The following SERPINA11 variants were observed in gnomAD, a reference collection of about 807,000 sequenced individuals.
The protein encoded by SERPINA11 is serpin A11.
Under a neutral mutation model 29.4 loss-of-function variants are expected in SERPINA11, and 28 were observed. The ratio of observed to expected loss-of-function variants is 0.95; its 90% CI spans 0.70 to 1.30. SERPINA11 has a LOEUF of 1.30. Ranked by LOEUF, SERPINA11 falls within the 50% of genes most tolerant of loss-of-function variation. The probability of loss-of-function intolerance (pLI) is 0.00; values close to 1 mark genes in which losing one functional copy is unlikely to be tolerated. For synonymous variants in SERPINA11, 253 were observed against 206.6 expected, an observed-to-expected ratio of 1.22 and a Z score of -1.92; for missense variants, 530 against 507.3, an observed-to-expected ratio of 1.04 and a Z score of -0.43.
rs374318750 is a variant in SERPINA11, at chr14:94,442,654, G to A, written c.1221C>T (p.Thr407=). The A allele has an allele frequency of 6.2e-7, 1 of 1,612,468 alleles. No individual in the cohort carries two copies. Among genetic ancestry groups the A allele is most frequent in the African/African-American group, 1.3e-5 (1 of 74,904 alleles). The change falls in exon 5 of 5, where the codon ACC becomes ACT. Residue 407 remains threonine, a synonymous_variant. Coordinates refer to ENST00000334708, the MANE Select transcript of SERPINA11 (RefSeq NM_001080451.2). ...CTTTTCCCAGGAAGAGTAAGCTCTGGGTGGTGACCTCCCAAAGGAGCAAGA... is the reference window on the plus strand; with the variant it reads ...CTTTTCCCAGGAAGAGTAAGCTCTGAGTGGTGACCTCCCAAAGGAGCAAGA... ...PFLLLLWEVT[T]QSLLFLGKVV... is the part of the protein sequence containing the mutation.
At position 94,446,311 on chromosome 14, in the gene SERPINA11, C is replaced by G; in HGVS notation, c.917+20G>C. The G allele has an allele frequency of 6.2e-7, 1 of 1,603,292 alleles. No individual in the cohort carries two copies. The highest frequency in any genetic ancestry group is 8.5e-7 in the Non-Finnish European group (1 of 1,175,622). ...GTTCTTGAGCAAGGTCAGCCAGCATCCTTCTGCTGTGACACTTACCTGGGC... is the reference window on the plus strand; with the variant it reads ...GTTCTTGAGCAAGGTCAGCCAGCATGCTTCTGCTGTGACACTTACCTGGGC... On this transcript the variant is annotated intron_variant, in intron 3 of 4. Transcript: ENST00000334708.
chr14:94,449,447 T>TTCTC (rs1414872678), intron 1 of SERPINA11, among the ~76,000 whole-genome samples: 1 of 112,224 alleles, frequency 8.9e-6, no homozygotes, highest in African/African-American at 5.0e-5. Context: ...CTTTCTTTCT[T>TTCTC]TCTTTCTTTC....
intron 1 of SERPINA11, among the ~76,000 whole-genome samples, chr14:94,451,407 T>G (rs1045326769): frequency 1.3e-5 from 2 of 152,254 alleles, no homozygotes; most frequent in Admixed American, 1.3e-4. Context: ...GTTCACTTAA[T>G]GACAGCTTCC....
Position 94,442,741 on chromosome 14 carries a change from G to A in SERPINA11, c.1134C>T (p.Leu378=). 1.9e-6 allele frequency: 3 copies of A among 1,613,708 alleles called. No individual in the cohort carries two copies. Among genetic ancestry groups the A allele is most frequent in the Non-Finnish European group, 2.5e-6 (3 of 1,179,900 alleles). The change falls in exon 5 of 5, where the codon CTC becomes CTT. Residue 378 remains leucine (L), a synonymous_variant. Transcript: ENST00000334708. ...TGGTGTTCAGAGATGGGGGCTGGGA[G>A]AGGAGGCCTGAAGCAGCCCCGGCCT... The part of the protein sequence containing the change: ...GTEAGAASGL[L]SQPPSLNTMS...
In SERPINA11 at chr14:94,443,092, T is replaced by C. The variant is rs754437653; in HGVS notation, c.1051A>G (p.Lys351Glu). 4.3e-6 allele frequency: 7 copies of C among 1,612,182 alleles called. No individual in the cohort carries two copies. Among genetic ancestry groups the C allele is most frequent in the Non-Finnish European group, 5.9e-6 (7 of 1,179,316 alleles). ...CACCACTTTACCTTGGAGATGGTTTTGTTGAGCTGCCCAGTGACTCCTGAG... is the reference window on the plus strand; with the variant it reads ...CACCACTTTACCTTGGAGATGGTTTCGTTGAGCTGCCCAGTGACTCCTGAG... ...DFSGVTGQLN[K>E]TISKVSHKAM... The change falls in exon 4 of 5, where the codon AAA (lysine) becomes GAA (glutamate). Residue 351 changes from lysine (K) to glutamate (E), a missense_variant. By Grantham distance (56) the Lys-to-Glu change is moderately conservative (BLOSUM62 1). Coordinates refer to ENST00000334708, the MANE Select transcript of SERPINA11 (RefSeq NM_001080451.2).
intron 3 of SERPINA11, among the ~76,000 whole-genome samples, chr14:94,445,556 A>G (rs2139775392): frequency 6.6e-6 from 1 of 152,288 alleles, no homozygotes; most frequent in Non-Finnish European, 1.5e-5. Context: ...GCACCCTTTA[A>G]CAATATAATG....
Position 94,448,761 on chromosome 14 carries a change from C to T in SERPINA11, c.14G>A (p.Trp5Ter). 1.3e-6 allele frequency: 2 copies of T among 1,510,276 alleles called. No individual in the cohort carries two copies. Among genetic ancestry groups the T allele is most frequent in the East Asian group, 4.6e-5 (2 of 43,898 alleles). 93.6% of individuals were successfully genotyped at this position (1,510,276 alleles called of 1,614,324 possible). MGPA[W>*]LWLLGTGILA... ...GATCCCTGTTCCCAGTAGCCAAAGC[C>T]AAGCTGGACCCATTCTCTGAAAACA... Residue 5 changes from tryptophan to a stop codon, truncating the protein, a stop_gained, in exon 2 of 5, where the codon TGG becomes TAG. Transcript: ENST00000334708. LOFTEE classifies it high-confidence loss of function.
At chr14:94,449,449 C>CTTTCTT (rs1898532522) in intron 1 of SERPINA11, among the ~76,000 whole-genome samples, 1 of 112,146 alleles carries the variant, frequency 8.9e-6, no homozygotes, top group Non-Finnish European at 1.7e-5. Flanking sequence ...TTCTTTCTTT[C>CTTTCTT]TTTCTTTCTT....
Position 94,448,485 on chromosome 14 carries a change from G to A in SERPINA11, c.290C>T (p.Ala97Val). 6.2e-7 allele frequency: 1 copy of A among 1,614,202 alleles called. No homozygotes were observed. The highest frequency in any genetic ancestry group is 8.5e-7 in the Non-Finnish European group (1 of 1,180,036). ...GAATCCCAGGCCCTCCAGGATCAGA[G>A]CTGAGGTGTTAGCTTGGGCCCCAAG... Reference protein sequence around the residue: ...LSLGAQANTSALILEGLGFNL... With the variant: ...LSLGAQANTSVLILEGLGFNL... Residue 97 changes from alanine to valine, a missense_variant, in exon 2 of 5, where the codon GCT becomes GTT. By Grantham distance (64) the Ala-to-Val change is moderately conservative. Coordinates refer to ENST00000334708, the MANE Select transcript of SERPINA11 (RefSeq NM_001080451.2).
At chr14:94,452,017 G>A (rs1898595211) in intron 1 of SERPINA11, among the ~76,000 whole-genome samples, 1 of 152,164 alleles carries the variant, frequency 6.6e-6, no homozygotes, top group South Asian at 2.1e-4. Context: ...CAGGGGGAGG[G>A]CTGTGTGTAA....
Position 94,442,601 on chromosome 14 carries a change from C to A in SERPINA11, c.*5G>T, listed in dbSNP as rs778731965. The A allele has an allele frequency of 6.9e-6, 11 of 1,601,388 alleles. No individual in the cohort carries two copies. The highest frequency in any genetic ancestry group is 7.7e-6 in the Non-Finnish European group (9 of 1,172,798). ...GATAAGATAACTCCTGGCCTCCCAC[C>A]ATGGTTACCCTGCAACTGGGTTGAC... is the stretch of plus-strand genomic sequence containing the variant. On this transcript the variant is annotated 3_prime_UTR_variant, in exon 5 of 5. Coordinates refer to ENST00000334708, the MANE Select transcript of SERPINA11 (RefSeq NM_001080451.2).
intron 3 of SERPINA11, 151 bp from the exon 4 acceptor site, chr14:94,443,376 C>A: frequency 1.5e-6 from 1 of 682,938 alleles, no homozygotes; most frequent in East Asian, 2.9e-5. Context: ...TATGGCGGAC[C>A]ATGCCACTAC....
intron 3 of SERPINA11, among the ~76,000 whole-genome samples, chr14:94,445,905 A>AT (rs941272180): frequency 1.1e-4 from 16 of 151,564 alleles, no homozygotes; most frequent in African/African-American, 1.9e-4. Flanking sequence ...CTCTGATCTG[A>AT]TTTTTTTTGC....
intron 1 of SERPINA11, among the ~76,000 whole-genome samples, chr14:94,449,344 C>G (rs2139778877): frequency 6.6e-6 from 1 of 152,172 alleles, no homozygotes. Context: ...TTAAAAACAA[C>G]CACCACCACA....
At chr14:94,452,200 G>A (rs1447891735) in intron 1 of SERPINA11, among the ~76,000 whole-genome samples, 1 of 152,138 alleles carries the variant, frequency 6.6e-6, no homozygotes, top group Non-Finnish European at 1.5e-5. Context: ...AGAAACACTT[G>A]CTTTGTCTTA....
At chr14:94,446,237 G>A (rs960282565) in intron 3 of SERPINA11, 94 bp downstream of exon 3, 26 of 1,174,034 alleles carry the variant, frequency 2.2e-5, no homozygotes, top group Non-Finnish European at 2.8e-5. Flanking sequence ...GAGCCTAATC[G>A]AGATGGATGT....
At chr14:94,452,602 C>CACACACAT (rs1898608036) in intron 1 of SERPINA11, 127 bp downstream of exon 1, 1 of 47,820 alleles carries the variant, frequency 2.1e-5, no homozygotes, top group African/African-American at 9.9e-5. Context: ...GCCAGGAACA[C>CACACACAT]ACACACACAC....
At chr14:94,442,850 G>C in intron 4 of SERPINA11, 41 bp from the exon 5 acceptor site, 1 of 1,504,338 alleles carries the variant, frequency 6.6e-7, no homozygotes, top group Non-Finnish European at 9.0e-7. Context: ...CAGTTTGGGG[G>C]CCTTCAAGGG....
Position 94,443,222 on chromosome 14 carries a change from C to T in SERPINA11, c.921G>A (p.Leu307=), listed in dbSNP as rs1898376954. ...RKWGQLLLPS[L]LDLHLPRFSI... ...AAAACCTTGGCAAGTGCAAATCCAACAGACTGGAGAGAGAAACAGACAGAG... is the reference window on the plus strand; with the variant it reads ...AAAACCTTGGCAAGTGCAAATCCAATAGACTGGAGAGAGAAACAGACAGAG... The change falls in exon 4 of 5, where the codon CTG becomes CTA. Residue 307 remains leucine, a synonymous_variant. Coordinates refer to ENST00000334708, the MANE Select transcript of SERPINA11 (RefSeq NM_001080451.2). 6.2e-7 allele frequency: 1 copy of T among 1,612,206 alleles called. No individual in the cohort carries two copies. Among genetic ancestry groups the T allele is most frequent in the Non-Finnish European group, 8.5e-7 (1 of 1,179,206 alleles).
Sources: gnomAD v4.1 joint callset for allele counts (sites outside exome capture counted in the v4.1 genomes callset) on GRCh38, gnomAD v4.1.1 for gene constraint, MANE v1.5 for transcripts, NCBI Gene and HGNC (gene_info 2026-07-23, HGNC 2026-07-21) for gene names.